ZC3H12B: variants seen among roughly 807,000 people sequenced by gnomAD.
ZC3H12B encodes zinc finger CCCH-type containing 12B, also known as probable ribonuclease ZC3H12B.
ZC3H12B carries 7 observed loss-of-function variants against 43.9 expected under a neutral mutation model. That is an observed-to-expected ratio of 0.16 (90% confidence interval 0.09 to 0.30). The LOEUF (loss-of-function observed/expected upper bound fraction) is 0.30. Ranked by LOEUF, ZC3H12B falls within the 10% of genes least tolerant of loss-of-function variation. The pLI is 1.00. For synonymous variants in ZC3H12B, 222 were observed against 241.7 expected (o/e 0.92, Z 0.76); for missense variants, 475 against 670.2 (o/e 0.71, Z 3.22).
chrX:65,261,842 G>A, the ZC3H12B span, among the ~76,000 whole-genome samples: 2 of 110,716 alleles, frequency 1.8e-5, no homozygotes, highest in African/African-American at 6.5e-5. Context: ...ACTTGTGAAG[G>A]TGGTTTGAAA....
chrX:65,502,465 T>C (rs761089698), exon 5 of ZC3H12B: 4 of 1,208,947 alleles, frequency 3.3e-6, no homozygotes, highest in East Asian at 3.0e-5. Context: ...GTGTGAGCCA[T>C]ACCAGGAATG....
intron 2 of ZC3H12B, among the ~76,000 whole-genome samples, chrX:65,374,177 C>CTA (rs1182858767): frequency 2.7e-5 from 2 of 75,204 alleles, no homozygotes; most frequent in Non-Finnish European, 4.7e-5. Flanking sequence ...TATATATACA[C>CTA]TATATATAGT....
the ZC3H12B span, among the ~76,000 whole-genome samples, chrX:65,324,765 A>G: frequency 1.8e-5 from 2 of 110,981 alleles, no homozygotes; most frequent in African/African-American, 6.5e-5. Context: ...AAGAGTGTGT[A>G]TTCTAGTCCT....
At chrX:65,186,931 T>C in the ZC3H12B span, among the ~76,000 whole-genome samples, 1 of 112,205 alleles carries the variant, frequency 8.9e-6, no homozygotes, top group African/African-American at 3.2e-5. Context: ...ATCCACTCAT[T>C]GATTGGTGGG....
At chrX:65,211,619 C>G in the ZC3H12B span, among the ~76,000 whole-genome samples, 1 of 92,373 alleles carries the variant, frequency 1.1e-5, no homozygotes, top group South Asian at 4.8e-4. Flanking sequence ...ACAGATTGGC[C>G]TAACAACTTA....
chrX:65,105,055 C>T, the ZC3H12B span, among the ~76,000 whole-genome samples: 1 of 111,572 alleles, frequency 9.0e-6, no homozygotes, highest in Non-Finnish European at 1.9e-5. Context: ...ACATATACAC[C>T]ATGGAATACT....
chrX:65,283,960 A>T, the ZC3H12B span, among the ~76,000 whole-genome samples: 3 of 111,327 alleles, frequency 2.7e-5, no homozygotes, highest in Admixed American at 9.6e-5. Flanking sequence ...TGTTCGAGTT[A>T]CTACTTGGAC....
intron 2 of ZC3H12B, among the ~76,000 whole-genome samples, chrX:65,381,044 C>T (rs893190982): frequency 9.0e-6 from 1 of 111,240 alleles, no homozygotes; most frequent in Non-Finnish European, 1.9e-5. Flanking sequence ...GACAGATCAA[C>T]AAGACAGAAA....
chrX:65,447,560 A>C (rs2067395156), intron 3 of ZC3H12B, among the ~76,000 whole-genome samples: 1 of 112,171 alleles, frequency 8.9e-6, no homozygotes, highest in Non-Finnish European at 1.9e-5. Flanking sequence ...CCCCAAAAGC[A>C]AATCCAACTA....
the ZC3H12B span, among the ~76,000 whole-genome samples, chrX:65,161,089 C>T: frequency 9.0e-6 from 1 of 111,028 alleles, no homozygotes; most frequent in African/African-American, 3.3e-5. Flanking sequence ...GTTTCTTAAT[C>T]CTGAGTTCTA....
chrX:65,372,472 G>A (rs1462404895), intron 2 of ZC3H12B, among the ~76,000 whole-genome samples: 1 of 101,142 alleles, frequency 9.9e-6, no homozygotes, highest in Non-Finnish European at 2.0e-5. Context: ...GGACAGGAGA[G>A]AGGAAGGGAG....
chrX:65,036,494 A>T, the ZC3H12B span, among the ~76,000 whole-genome samples: 2 of 111,503 alleles, frequency 1.8e-5, no homozygotes, highest in African/African-American at 6.5e-5. Context: ...GATTAAATTT[A>T]TTGGGTGAAT....
the ZC3H12B span, among the ~76,000 whole-genome samples, chrX:65,237,669 T>C: frequency 9.0e-6 from 1 of 111,277 alleles, no homozygotes; most frequent in Admixed American, 9.6e-5. Context: ...ATTTAGCTTT[T>C]GTCCATTCAG....
chrX:65,123,668 A>C, the ZC3H12B span, among the ~76,000 whole-genome samples: 3 of 106,241 alleles, frequency 2.8e-5, no homozygotes, highest in African/African-American at 1.0e-4. Context: ...AGTGTAATAT[A>C]GTTTTCTTGT....
the ZC3H12B span, among the ~76,000 whole-genome samples, chrX:65,275,935 AT>A: frequency 1.8e-5 from 2 of 112,121 alleles, no homozygotes; most frequent in Non-Finnish European, 3.8e-5. Flanking sequence ...CAGTGAGACA[AT>A]TCAATAAAAT....
the ZC3H12B span, among the ~76,000 whole-genome samples, chrX:65,188,085 C>A: frequency 1.8e-5 from 2 of 111,313 alleles, no homozygotes; most frequent in Non-Finnish European, 3.8e-5. Context: ...TGGCTTTTTT[C>A]ACTTAACATA....
the ZC3H12B span, among the ~76,000 whole-genome samples, chrX:65,319,929 A>T: frequency 1.8e-5 from 2 of 111,777 alleles, no homozygotes; most frequent in Non-Finnish European, 3.8e-5. Context: ...ACCTCAAAAT[A>T]ATAAGAACCA....
the ZC3H12B span, among the ~76,000 whole-genome samples, chrX:65,204,210 C>T: frequency 1.8e-5 from 2 of 112,047 alleles, no homozygotes; most frequent in African/African-American, 6.5e-5. Flanking sequence ...ATTTATTCAT[C>T]TGATTTTTGG....
chrX:65,097,169 C>G, the ZC3H12B span, among the ~76,000 whole-genome samples: 1 of 111,915 alleles, frequency 8.9e-6, no homozygotes, highest in East Asian at 2.8e-4. Flanking sequence ...TTCTTTGTAA[C>G]CTACTAATTA....
Sources: gnomAD v4.1 joint callset for allele counts (sites outside exome capture counted in the v4.1 genomes callset) on GRCh38, gnomAD v4.1.1 for gene constraint, MANE v1.5 for transcripts, NCBI Gene and HGNC (gene_info 2026-07-23, HGNC 2026-07-21) for gene names.